Variants in PTPRD observed in about 807,000 individuals in gnomAD.
PTPRD encodes receptor-type tyrosine-protein phosphatase delta.
PTPRD carries 34 observed loss-of-function variants against 214.5 expected under a neutral mutation model. That is an observed-to-expected ratio of 0.16 (90% CI 0.12 to 0.21). PTPRD has a LOEUF of 0.21. Ranked by LOEUF, PTPRD falls within the 10% of genes least tolerant of loss-of-function variation. PTPRD has a pLI of 1.00. For synonymous variants in PTPRD, 1,128 were observed against 845.7 expected, an observed-to-expected ratio of 1.33 and a Z score of -5.79; for missense variants, 2,545 against 2,398.7, an observed-to-expected ratio of 1.06 and a Z score of -1.27.
chr9:8,423,725 C>A (rs542946826), intron 35 of PTPRD, among the ~76,000 whole-genome samples: 4 of 152,166 alleles, frequency 2.6e-5, no homozygotes, highest in African/African-American at 9.6e-5. Flanking sequence ...TGGTCTATAA[C>A]TGACAATGTC....
chr9:9,933,049 G>T (rs1261959529), intron 5 of PTPRD, among the ~76,000 whole-genome samples: 3 of 151,862 alleles, frequency 2.0e-5, no homozygotes, highest in African/African-American at 7.3e-5. Context: ...TCACCACCAG[G>T]CCTGCCCTAA....
chr9:10,585,454 G>GA (rs35923485), intron 2 of PTPRD, among the ~76,000 whole-genome samples: 35 of 148,894 alleles, frequency 2.4e-4, no homozygotes, highest in South Asian at 8.4e-4. Context: ...CTCCAATTCA[G>GA]AAAAAAAAAA....
chr9:8,494,275 T>C (rs1428835496), intron 26 of PTPRD, among the ~76,000 whole-genome samples: 1 of 152,152 alleles, frequency 6.6e-6, no homozygotes, highest in African/African-American at 2.4e-5. Flanking sequence ...GGGAACATGC[T>C]TTCTCAAAAG....
chr9:10,369,360 A>G (rs1439344721), intron 2 of PTPRD, among the ~76,000 whole-genome samples: 1 of 152,074 alleles, frequency 6.6e-6, no homozygotes, highest in Non-Finnish European at 1.5e-5. Flanking sequence ...CAATTCTCAT[A>G]GCCAGGCATC....
At chr9:8,523,069 G>A (rs982309368) in intron 19 of PTPRD, among the ~76,000 whole-genome samples, 1 of 152,128 alleles carries the variant, frequency 6.6e-6, no homozygotes, top group African/African-American at 2.4e-5. Flanking sequence ...AAAGCAAGCA[G>A]GAGCCAGTGT....
At chr9:10,316,087 T>C (rs73644415) in intron 3 of PTPRD, among the ~76,000 whole-genome samples, 1,498 of 149,706 alleles carry the variant, frequency 0.01, 29 homozygotes, top group African/African-American at 0.035. Context: ...ATATATATGA[T>C]GCTAAGGTAA....
At chr9:9,941,847 C>T (rs2091538341) in intron 4 of PTPRD, among the ~76,000 whole-genome samples, 1 of 152,068 alleles carries the variant, frequency 6.6e-6, no homozygotes, top group African/African-American at 2.4e-5. Context: ...TTGCCAAAAG[C>T]ACTACAATTG....
intron 10 of PTPRD, among the ~76,000 whole-genome samples, chr9:9,021,025 T>A (rs1406988531): frequency 6.6e-6 from 1 of 152,190 alleles, no homozygotes; most frequent in African/African-American, 2.4e-5. Context: ...AAAAACATAA[T>A]ATTTTAGCAA....
At chr9:9,134,866 A>G (rs1396408685) in intron 10 of PTPRD, among the ~76,000 whole-genome samples, 1 of 152,128 alleles carries the variant, frequency 6.6e-6, no homozygotes, top group Admixed American at 6.5e-5. Flanking sequence ...TGCCGGGTAC[A>G]TTGAAGGTGT....
intron 5 of PTPRD, among the ~76,000 whole-genome samples, chr9:9,888,772 G>A (rs974117240): frequency 6.6e-6 from 1 of 152,044 alleles, no homozygotes; most frequent in Non-Finnish European, 1.5e-5. Flanking sequence ...AGCCTCAAGT[G>A]TTCCTTTATA....
At chr9:9,628,497 A>C (rs1443053893) in intron 7 of PTPRD, among the ~76,000 whole-genome samples, 1 of 152,172 alleles carries the variant, frequency 6.6e-6, no homozygotes, top group Non-Finnish European at 1.5e-5. Flanking sequence ...ATTGGTATCC[A>C]GGATCTGCAC....
intron 11 of PTPRD, among the ~76,000 whole-genome samples, chr9:8,936,427 CAA>C (rs1181403459): frequency 3.8e-4 from 12 of 31,654 alleles, no homozygotes; most frequent in Admixed American, 1.4e-3. Flanking sequence ...ACCCTGCCTC[CAA>C]AAAAAAAAAA....
At chr9:9,255,263 G>A (rs535823076) in intron 9 of PTPRD, among the ~76,000 whole-genome samples, 5 of 152,008 alleles carry the variant, frequency 3.3e-5, no homozygotes, top group African/African-American at 1.2e-4. Context: ...TTTAGATTCC[G>A]TTATCATTGA....
chr9:10,296,980 C>T (rs993773884), intron 3 of PTPRD, among the ~76,000 whole-genome samples: 3 of 151,468 alleles, frequency 2.0e-5, no homozygotes, highest in Non-Finnish European at 2.9e-5. Flanking sequence ...TTTGACAATG[C>T]CCATCCACTT....
intron 2 of PTPRD, among the ~76,000 whole-genome samples, chr9:10,440,836 C>A (rs932003356): frequency 6.6e-6 from 1 of 151,620 alleles, no homozygotes; most frequent in Non-Finnish European, 1.5e-5. Flanking sequence ...CACTAATCTC[C>A]ATGGCAATGA....
chr9:10,528,928 G>A (rs2134551305), intron 2 of PTPRD, among the ~76,000 whole-genome samples: 2 of 152,244 alleles, frequency 1.3e-5, no homozygotes, highest in Middle Eastern at 6.8e-3. Flanking sequence ...GATAGGGTTA[G>A]TTTTGTGGTG....
intron 35 of PTPRD, among the ~76,000 whole-genome samples, 191 bp from the exon 36 acceptor site, chr9:8,404,851 C>G (rs2092806463): frequency 6.6e-6 from 1 of 152,102 alleles, no homozygotes; most frequent in African/African-American, 2.4e-5. Context: ...ACTGCAGAAA[C>G]AGTGATAGTC....
At chr9:8,889,543 A>G (rs909903027) in intron 11 of PTPRD, among the ~76,000 whole-genome samples, 3 of 152,074 alleles carry the variant, frequency 2.0e-5, no homozygotes, top group African/African-American at 7.2e-5. Context: ...ATGATTTTGG[A>G]GACTTTGGTG....
chr9:9,997,580 T>A (rs1443340924), intron 4 of PTPRD, among the ~76,000 whole-genome samples: 5 of 152,140 alleles, frequency 3.3e-5, no homozygotes, highest in Non-Finnish European at 7.4e-5. Flanking sequence ...TGAGCCACCG[T>A]GCCTGGCCAA....
Sources: allele counts gnomAD v4.1 joint callset (sites outside exome capture counted in the v4.1 genomes callset), GRCh38; gene constraint gnomAD v4.1.1; transcripts MANE v1.5; gene names NCBI Gene and HGNC (gene_info 2026-07-23, HGNC 2026-07-21).